The following HECW1 variants were observed in gnomAD, a reference collection of about 807,000 sequenced individuals.
The protein encoded by HECW1 is HECT, C2 and WW domain containing E3 ubiquitin protein ligase 1, also known as E3 ubiquitin-protein ligase HECW1.
HECW1 carries 61 observed loss-of-function variants against 182.3 expected under a neutral mutation model. The ratio of observed to expected loss-of-function variants is 0.33; its 90% CI spans 0.27 to 0.41. HECW1 has a LOEUF of 0.41. Ranked by LOEUF, HECW1 falls within the 10% of genes least tolerant of loss-of-function variation. The pLI, the probability that HECW1 is intolerant of heterozygous loss-of-function variation, is 1.00. For synonymous variants in HECW1, 859 were observed against 832.6 expected (o/e 1.03, Z -0.55); for missense variants, 1,739 against 2,108.9 (o/e 0.82, Z 3.44).
At chr7:43,316,142 C>A (rs1283051472) in intron 4 of HECW1, among the ~76,000 whole-genome samples, 1 of 152,088 alleles carries the variant, frequency 6.6e-6, no homozygotes, top group African/African-American at 2.4e-5. Context: ...CTTTATTAGA[C>A]CTTTCTGATT....
intron 5 of HECW1, among the ~76,000 whole-genome samples, chr7:43,339,840 G>A (rs965425462): frequency 6.6e-6 from 1 of 152,044 alleles, no homozygotes; most frequent in Non-Finnish European, 1.5e-5. Flanking sequence ...TTTCAGTGGG[G>A]CCCCTCTCCC....
At chr7:43,425,562 C>T (rs1312300549) in intron 8 of HECW1, among the ~76,000 whole-genome samples, 1 of 152,004 alleles carries the variant, frequency 6.6e-6, no homozygotes, top group Non-Finnish European at 1.5e-5. Flanking sequence ...TTTTCTGTTG[C>T]TATAATGGAA....
At chr7:43,327,478 T>C (rs2152787146) in intron 5 of HECW1, among the ~76,000 whole-genome samples, 1 of 152,312 alleles carries the variant, frequency 6.6e-6, no homozygotes, top group African/African-American at 2.4e-5. Context: ...AGGAAAATAA[T>C]ATAGAGTTCA....
chr7:43,376,726 C>T (rs1274826189), intron 6 of HECW1, among the ~76,000 whole-genome samples: 2 of 151,856 alleles, frequency 1.3e-5, no homozygotes, highest in African/African-American at 4.8e-5. Context: ...ATTAGCTGGG[C>T]GTGGTGGCAG....
chr7:43,312,261 G>A (rs911045777), intron 4 of HECW1, among the ~76,000 whole-genome samples, 174 bp downstream of exon 4: 1 of 152,204 alleles, frequency 6.6e-6, no homozygotes, highest in South Asian at 2.1e-4. Flanking sequence ...TGGACAATAA[G>A]GTCTCTCTTG....
intron 14 of HECW1, among the ~76,000 whole-genome samples, chr7:43,464,743 C>T (rs2077704496): frequency 6.6e-6 from 1 of 152,060 alleles, no homozygotes; most frequent in South Asian, 2.1e-4. Context: ...ATTTTAATTT[C>T]CCCCTTTCTA....
intron 5 of HECW1, 55 bp downstream of exon 5, chr7:43,320,797 A>C (rs1485163720): frequency 7.7e-7 from 1 of 1,296,706 alleles, no homozygotes; most frequent in Non-Finnish European, 1.1e-6. Context: ...GCAGAATTCA[A>C]CTGTTTCATT....
rs1435019441 is a variant in HECW1 at position 43,432,366 on chromosome 7, C to G, written c.802-5637C>G. Among the ~76,000 whole-genome samples the G allele has an allele frequency of 3.3e-5, 5 of 151,950 alleles. No individual in the cohort carries two copies. The highest frequency in any genetic ancestry group is 7.4e-5 in the Non-Finnish European group (5 of 67,988). On this transcript the variant is annotated intron_variant, in intron 8 of 29. Transcript: ENST00000395891. This position sits in a 1 kb window ranked among gnomAD's most constrained non-coding sequence, Gnocchi z 4.1. ...GTTTTAGCCGGGATGGTCTCGATCT[C>G]CTGACCTCGTGATCCGCCCGCCTCG...
chr7:43,461,868 T>C (rs372467890), intron 13 of HECW1, among the ~76,000 whole-genome samples: 2 of 152,252 alleles, frequency 1.3e-5, no homozygotes. Context: ...CCAGATAAAA[T>C]AAAACTGAAA....
chr7:43,266,428 C>T lies in HECW1; in HGVS notation c.27+22496C>T, dbSNP rs577662128. Among the ~76,000 whole-genome samples the T allele has an allele frequency of 2.0e-4, 30 of 152,284 alleles. No individual in the cohort carries two copies. The South Asian group carries it at 5.8e-3, about 29-fold the overall frequency. On this transcript the variant is annotated intron_variant, in intron 3 of 29. Coordinates refer to ENST00000395891, the MANE Select transcript of HECW1 (RefSeq NM_015052.5). Reference sequence around the variant, plus strand: ...TTGGCTCACTGCGTCCTCCGCCTCCCGGGTTCAAGCAATTCTCTGCCTCAG... The same window carrying T: ...TTGGCTCACTGCGTCCTCCGCCTCCTGGGTTCAAGCAATTCTCTGCCTCAG...
intron 2 of HECW1, among the ~76,000 whole-genome samples, chr7:43,138,274 T>C (rs1787786386): frequency 6.6e-6 from 1 of 152,246 alleles, no homozygotes; most frequent in Admixed American, 6.5e-5. Context: ...TCATTTCAAC[T>C]TACATTTTCT....
chr7:43,562,149 T>C lies in HECW1; in HGVS notation c.*223T>C. 1 of 487,554 alleles carries C rather than the reference T, an allele frequency of 2.1e-6. No homozygotes were observed. The highest frequency in any genetic ancestry group is 2.7e-5 in the South Asian group (1 of 36,714). 30.2% of individuals were successfully genotyped at this position (487,554 alleles called of 1,614,324 possible). On this transcript the variant is annotated 3_prime_UTR_variant, in exon 30 of 30. Transcript: ENST00000395891. ...CTCTGTTTTCAATGAACTGCTAGCC[T>C]GTATGCAATATTAAAAAACAGCTGT...
At chr7:43,291,054 A>G (rs954130229) in intron 3 of HECW1, among the ~76,000 whole-genome samples, 2 of 152,204 alleles carry the variant, frequency 1.3e-5, no homozygotes, top group East Asian at 1.9e-4. Flanking sequence ...GCAGGGGGGA[A>G]AAATAGTTTT....
At chr7:43,378,404 TATCTAGAACA>T (rs1173711863) in intron 6 of HECW1, among the ~76,000 whole-genome samples, 1 of 152,268 alleles carries the variant, frequency 6.6e-6, no homozygotes, top group Admixed American at 6.5e-5. Context: ...AACAAAGAGC[TATCTAGAACA>T]ATCATGTGGT....
chr7:43,162,716 TC>T (rs1396506956), intron 2 of HECW1, among the ~76,000 whole-genome samples: 1 of 152,130 alleles, frequency 6.6e-6, no homozygotes, highest in Non-Finnish European at 1.5e-5. Context: ...CACTTGGAGA[TC>T]CTGGGAATGC....
intron 17 of HECW1, among the ~76,000 whole-genome samples, chr7:43,489,276 AT>A (rs1429182838): frequency 1.3e-5 from 2 of 152,172 alleles, no homozygotes; most frequent in Non-Finnish European, 2.9e-5. Flanking sequence ...GATCAATAAT[AT>A]TTTAAATACA....
Position 43,128,026 on chromosome 7 carries a change from G to A in HECW1, c.-32+13635G>A, listed in dbSNP as rs61697127. On this transcript the variant is annotated intron_variant, in intron 2 of 29. Transcript: ENST00000395891. The stretch of plus-strand genomic sequence containing the variant: ...CCTGAGTAGCAGGAACAACAGGTGC[G>A]CACCACCACATTGGGCTAATTTTTT... 3.9e-3 allele frequency among the ~76,000 whole-genome samples: 596 copies of A among 152,028 alleles called. 5 individuals are homozygous for A. The highest frequency in any genetic ancestry group is 0.012 in the African/African-American group (506 of 41,436).
At chr7:43,409,524 T>C (rs1447771383) in intron 8 of HECW1, among the ~76,000 whole-genome samples, 1 of 152,222 alleles carries the variant, frequency 6.6e-6, no homozygotes, top group Non-Finnish European at 1.5e-5. Context: ...GCTAAAAACG[T>C]CAACTAGAAT....
chr7:43,237,187 AGGT>A, intron 2 of HECW1, among the ~76,000 whole-genome samples: 1 of 149,624 alleles, frequency 6.7e-6, no homozygotes, highest in South Asian at 2.1e-4. Flanking sequence ...GTAGGTAGGT[AGGT>A]AAAGTGTGAC....
Sources: gnomAD v4.1 joint callset for allele counts (sites outside exome capture counted in the v4.1 genomes callset) on GRCh38, gnomAD v4.1.1 for gene constraint, Gnocchi (gnomAD v3.1) non-coding constraint, MANE v1.5 for transcripts, NCBI Gene and HGNC (gene_info 2026-07-23, HGNC 2026-07-21) for gene names.